The following RBPMS2 variants were observed in gnomAD, a reference collection of about 807,000 sequenced individuals.
The protein encoded by RBPMS2 is RNA-binding protein with multiple splicing 2.
A neutral mutation model predicts 25.7 loss-of-function variants in RBPMS2; 14 were observed. The ratio of observed to expected loss-of-function variants is 0.55; its 90% CI spans 0.36 to 0.85. RBPMS2 has a LOEUF of 0.85. Ranked by LOEUF, RBPMS2 falls within the 40% of genes least tolerant of loss-of-function variation. The pLI is 0.01. For synonymous variants in RBPMS2, 127 were observed against 115.6 expected (o/e 1.10, Z -0.63); for missense variants, 252 against 283.4 (o/e 0.89, Z 0.80).
intron 6 of RBPMS2, among the ~76,000 whole-genome samples, chr15:64,744,710 G>T (rs1445317250): frequency 6.6e-6 from 1 of 150,652 alleles, no homozygotes; most frequent in African/African-American, 2.4e-5. Context: ...TTCGTACAAT[G>T]GTGTACTAGC....
At chr15:64,750,430 T>G in intron 2 of RBPMS2, 49 bp from the exon 3 acceptor site, 1 of 1,550,722 alleles carries the variant, frequency 6.4e-7, no homozygotes, top group Non-Finnish European at 8.9e-7. Context: ...GCGTATGTTG[T>G]GCTAGCCCAG....
intron 1 of RBPMS2, among the ~76,000 whole-genome samples, chr15:64,762,671 T>G (rs764160949): frequency 6.6e-6 from 1 of 152,160 alleles, no homozygotes; most frequent in East Asian, 1.9e-4. Context: ...TCACCAGCCA[T>G]AGCAGGTGGC....
At chr15:64,749,311 T>C (rs1207869624) in intron 4 of RBPMS2, 120 bp downstream of exon 4, 1 of 1,310,258 alleles carries the variant, frequency 7.6e-7, no homozygotes, top group Non-Finnish European at 1.1e-6. Context: ...GTAATGGCCT[T>C]TGGCACAGAC....
intron 1 of RBPMS2, among the ~76,000 whole-genome samples, chr15:64,752,679 C>A (rs370442911): frequency 1.3e-5 from 2 of 151,640 alleles, no homozygotes; most frequent in African/African-American, 4.8e-5. Flanking sequence ...GGCGCCATCT[C>A]GGCTCACTGC....
intron 1 of RBPMS2, among the ~76,000 whole-genome samples, chr15:64,762,806 AAGACTC>A (rs1298761469): frequency 6.6e-6 from 1 of 152,134 alleles, no homozygotes; most frequent in African/African-American, 2.4e-5. Context: ...AGTCTCAGAT[AAGACTC>A]AGCCACCATC....
At chr15:64,751,053 G>A (rs1379737539) in intron 2 of RBPMS2, among the ~76,000 whole-genome samples, 2 of 138,292 alleles carry the variant, frequency 1.4e-5, no homozygotes, top group Non-Finnish European at 3.1e-5. Flanking sequence ...CAAACAAAAA[G>A]GACAAGCGCC....
chr15:64,742,893 C>T (rs974111795), intron 6 of RBPMS2, among the ~76,000 whole-genome samples: 1 of 152,160 alleles, frequency 6.6e-6, no homozygotes, highest in African/African-American at 2.4e-5. Flanking sequence ...CCTAAGAACC[C>T]GTTCCTATCC....
At chr15:64,746,723 T>C (rs1160178831) in intron 6 of RBPMS2, among the ~76,000 whole-genome samples, 1 of 152,250 alleles carries the variant, frequency 6.6e-6, no homozygotes, top group Non-Finnish European at 1.5e-5. Flanking sequence ...TCATTGTCCC[T>C]GGCTCCCAAC....
In RBPMS2 at chr15:64,775,324, C is replaced by CG; in HGVS notation, c.-6dup. 1 of 1,292,330 alleles carries CG rather than the reference C, an allele frequency of 7.7e-7. No individual in the cohort carries two copies. Among genetic ancestry groups the CG allele is most frequent in the Non-Finnish European group, 9.9e-7 (1 of 1,013,950 alleles). The allele number at this position is 1,292,330 out of a possible 1,614,324, so 80.1% of individuals were successfully genotyped here. ...GTCCGGCTTCAGGTTGCTCATGGTG[C>CG]GGGGGAGGGGGCGGCGGGAAGGAAC... On this transcript the variant is annotated 5_prime_UTR_variant, in exon 1 of 8. Transcript: ENST00000300069.
chr15:64,740,631 G>C lies in RBPMS2; in HGVS notation c.*377C>G, dbSNP rs1219892307. ...TGTACACTCATATATACAAGTATAAGTGTCTTAATTCATGCCAGAAAACAT... is the reference window on the plus strand; with the variant it reads ...TGTACACTCATATATACAAGTATAACTGTCTTAATTCATGCCAGAAAACAT... On this transcript the variant is annotated 3_prime_UTR_variant, in exon 8 of 8. Coordinates refer to ENST00000300069, the MANE Select transcript of RBPMS2 (RefSeq NM_194272.3). 6.4e-6 allele frequency: 1 copy of C among 157,254 alleles called. No homozygotes were observed. The highest frequency in any genetic ancestry group is 1.4e-5 in the Non-Finnish European group (1 of 70,734). 9.7% of individuals were successfully genotyped at this position (157,254 alleles called of 1,614,324 possible).
intron 1 of RBPMS2, among the ~76,000 whole-genome samples, chr15:64,753,749 T>G (rs2083704940): frequency 6.6e-6 from 1 of 152,096 alleles, no homozygotes; most frequent in African/African-American, 2.4e-5. Context: ...TGCCCGGGGT[T>G]GGGGTGATGG....
At chr15:64,767,915 G>A (rs1424971460) in intron 1 of RBPMS2, among the ~76,000 whole-genome samples, 1 of 152,168 alleles carries the variant, frequency 6.6e-6, no homozygotes, top group East Asian at 1.9e-4. Context: ...TGATCCTCCT[G>A]CCTTGGCCTC....
At position 64,748,467 on chromosome 15, in the gene RBPMS2, C is replaced by T. The variant is rs375064861; in HGVS notation, c.519G>A (p.Ala173=). The part of the protein sequence containing the change: ...TELTPAISHA[A]FTYPTATAAA... ...CGGCAGTGGCAGTTGGGTAGGTGAA[C>T]GCAGCATGGGAGATGGCTGGGGTCA... is the stretch of plus-strand genomic sequence containing the variant. The change falls in exon 6 of 8, where the codon GCG becomes GCA. Residue 173 remains alanine (A), a synonymous_variant. Transcript: ENST00000300069. 29 of 1,613,920 alleles carry T rather than the reference C, an allele frequency of 1.8e-5. No individual in the cohort carries two copies. The African/African-American group carries it at 1.9e-4, about 10-fold the overall frequency.
intron 1 of RBPMS2, among the ~76,000 whole-genome samples, chr15:64,769,866 C>T (rs2083879794): frequency 1.3e-5 from 2 of 152,026 alleles, no homozygotes; most frequent in Non-Finnish European, 2.9e-5. Context: ...TCACCCAAAA[C>T]TCAGCCATTA....
intron 1 of RBPMS2, among the ~76,000 whole-genome samples, chr15:64,758,952 TTTTTA>T (rs1274174338): frequency 6.6e-6 from 1 of 152,196 alleles, no homozygotes; most frequent in African/African-American, 2.4e-5. Context: ...TAAACTTTTA[TTTTTA>T]TTTTATTTTT....
At chr15:64,744,793 GTTTTGTTTTTT>G (rs2083600556) in intron 6 of RBPMS2, among the ~76,000 whole-genome samples, 2 of 57,794 alleles carry the variant, frequency 3.5e-5, no homozygotes, top group South Asian at 6.4e-4. Context: ...TTTTTGGTTT[GTTTTGTTTTTT>G]TTTTTTTTTT....
In RBPMS2 at chr15:64,740,747, C is replaced by CGAGG. The variant is rs1474230163; in HGVS notation, c.*260_*261insCCTC. 3 of 162,598 alleles carry CGAGG rather than the reference C, an allele frequency of 1.8e-5. No individual in the cohort carries two copies. In the East Asian group the frequency reaches 5.4e-4, roughly 29 times the overall value. 10.1% of individuals were successfully genotyped at this position (162,598 alleles called of 1,614,324 possible). On this transcript the variant is annotated 3_prime_UTR_variant, in exon 8 of 8. Transcript: ENST00000300069. ...CCTTGCCAGGTCCCAGTGAGGCCTC[C>CGAGG]GAGCTGGATCTGGGCGCCCCAGGGA...
chr15:64,748,952 C>T (rs1356818464), intron 5 of RBPMS2, 48 bp downstream of exon 5: 3 of 1,605,134 alleles, frequency 1.9e-6, no homozygotes, highest in African/African-American at 1.3e-5. Context: ...TGCAAGTCTG[C>T]CCTGAATGCA....
rs751516901 is a variant in RBPMS2, at chr15:64,755,801, GC to G, written c.88-4164del. Among the ~76,000 whole-genome samples the G allele has an allele frequency of 8.9e-4, 135 of 152,258 alleles. No homozygotes were observed. In the Middle Eastern group the frequency reaches 0.024, roughly 27 times the overall value. On this transcript the variant is annotated intron_variant, in intron 1 of 7. Coordinates refer to ENST00000300069, the MANE Select transcript of RBPMS2 (RefSeq NM_194272.3). ...GTAGGGAGGAACAAGAGGTTCCAAA[GC>G]CGCCCAACACCTGCTTCCATCAAGC...
Sources: allele counts gnomAD v4.1 joint callset (sites outside exome capture counted in the v4.1 genomes callset), GRCh38; gene constraint gnomAD v4.1.1; transcripts MANE v1.5; gene names NCBI Gene and HGNC (gene_info 2026-07-23, HGNC 2026-07-21).